FLII: variants seen among roughly 807,000 people sequenced by gnomAD.
FLII encodes protein flightless-1 homolog.
A neutral mutation model predicts 156.2 loss-of-function variants in FLII; 101 were observed. The observed-to-expected ratio is 0.65, with a 90% CI of 0.55 to 0.76. The LOEUF (loss-of-function observed/expected upper bound fraction) is 0.76. FLII is among the 30% of genes least tolerant of loss of function. The pLI, the probability that FLII is intolerant of heterozygous loss-of-function variation, is 0.00. For missense variants in FLII, 1,675 were observed against 1,682.8 expected (o/e 1.00, Z 0.08); for synonymous variants, 767 against 685.8 (o/e 1.12, Z -1.85).
In FLII at chr17:18,248,026, A is replaced by G. The variant is rs755173654; in HGVS notation, c.2198T>C (p.Leu733Pro). 1 of 1,611,650 alleles carries G rather than the reference A, an allele frequency of 6.2e-7. No homozygotes were observed. Among genetic ancestry groups the G allele is most frequent in the East Asian group, 2.2e-5 (1 of 44,862 alleles). The part of the protein sequence containing the change: ...PPQPKLYKVG[L>P]GLGYLELPQI... ...TGGCAGCTCCAGGTAGCCCAAGCCC[A>G]GGCCCACCTGGCAGGAAGGATGAGC... Residue 733 changes from leucine (L) to proline (P), a missense_variant, in exon 19 of 30, where the codon CTG (leucine) becomes CCG (proline). Physicochemically the swap from Leu to Pro is moderately conservative, Grantham distance 98. This residue lies in a region of FLII where 1,332 missense variants were observed against 1,269.3 expected (regional missense o/e 1.05). Transcript: ENST00000327031.
Position 18,245,110 on chromosome 17 carries a change from A to ACCAAG in FLII, c.*23_*27dup, listed in dbSNP as rs767871060. On this transcript the variant is annotated 3_prime_UTR_variant, in exon 30 of 30. Transcript: ENST00000327031. ...TGGATGAGGCCCCTTCCTCTTCCTC[A>ACCAAG]CCAAGCCTGGGGCTGTGCCAGCCTG... 3 of 1,594,352 alleles carry ACCAAG rather than the reference A, an allele frequency of 1.9e-6. No homozygotes were observed. Among genetic ancestry groups the ACCAAG allele is most frequent in the Non-Finnish European group, 2.6e-6 (3 of 1,167,698 alleles).
chr17:18,247,459 G>C (rs1479628475), intron 20 of FLII, 102 bp from the exon 21 acceptor site: 1 of 1,233,918 alleles, frequency 8.1e-7, no homozygotes. Context: ...ATCTAGGGCG[G>C]GGCTTGGGAG....
At chr17:18,247,140 C>CT (rs759673141) in intron 21 of FLII, 29 bp downstream of exon 21, 5 of 1,339,048 alleles carry the variant, frequency 3.7e-6, no homozygotes, top group Middle Eastern at 5.3e-4. Context: ...ACCCCCCCCC[C>CT]CGCGCCCCGG....
intron 2 of FLII, 130 bp from the exon 3 acceptor site, chr17:18,256,727 T>C (rs2142875130): frequency 1.2e-6 from 1 of 862,252 alleles, no homozygotes; most frequent in Non-Finnish European, 1.9e-6. Flanking sequence ...GCAGCTTCCC[T>C]CCCTCACTCA....
At chr17:18,257,170 T>G (rs968974333) in intron 1 of FLII, 151 bp from the exon 2 acceptor site, 4 of 568,418 alleles carry the variant, frequency 7.0e-6, no homozygotes, top group Non-Finnish European at 1.3e-5. Flanking sequence ...TGCCTCAATT[T>G]CTTCACCCAT....
In FLII at chr17:18,248,850, G is replaced by A; in HGVS notation, c.1968C>T (p.Ile656=). 6.2e-7 allele frequency: 1 copy of A among 1,614,018 alleles called. No homozygotes were observed. The highest frequency in any genetic ancestry group is 1.6e-4 in the Middle Eastern group (1 of 6,062). The change falls in exon 17 of 30, where the codon ATC becomes ATT. Residue 656 remains isoleucine (I), a synonymous_variant. Transcript: ENST00000327031. ...FVFLLDRGLD[I]YVWRGAQATL... ...TGGCCTGGGCCCCCCGCCATACGTAGATGTCTAGCCCTCGGTCCAGCAGGA... is the reference window on the plus strand; with the variant it reads ...TGGCCTGGGCCCCCCGCCATACGTAAATGTCTAGCCCTCGGTCCAGCAGGA...
chr17:18,254,788 G>A lies in FLII; in HGVS notation c.394C>T (p.Leu132=), dbSNP rs1324492688. 1 of 1,614,138 alleles carries A rather than the reference G, an allele frequency of 6.2e-7. No homozygotes were observed. The change falls in exon 5 of 30, where the codon CTG becomes TTG. Residue 132 remains leucine, a synonymous_variant. Coordinates refer to ENST00000327031, the MANE Select transcript of FLII (RefSeq NM_002018.4). ...ELENAKNMLV[L]NLSHNSIDTI... ...TGGCACCTGTTGTGGCTGAGGTTCA[G>A]CACCAGCATGTTCTTGGCGTTCTCC...
intron 3 of FLII, 50 bp downstream of exon 3, chr17:18,256,476 C>A: frequency 6.9e-7 from 1 of 1,457,104 alleles, no homozygotes; most frequent in Non-Finnish European, 9.4e-7. Context: ...CGTCCCTGAC[C>A]GGACCTTGGC....
chr17:18,248,381 A>G (rs114793164), intron 18 of FLII, among the ~76,000 whole-genome samples, 169 bp downstream of exon 18: 151 of 152,184 alleles, frequency 9.9e-4, no homozygotes, highest in African/African-American at 3.5e-3. Context: ...CTACTTCTCA[A>G]AAGCAGCCTC....
At position 18,253,712 on chromosome 17, in the gene FLII, A is replaced by C; in HGVS notation, c.687T>G (p.Asp229Glu). 6.2e-7 allele frequency: 1 copy of C among 1,608,218 alleles called. No individual in the cohort carries two copies. Among genetic ancestry groups the C allele is most frequent in the Non-Finnish European group, 8.5e-7 (1 of 1,176,964 alleles). The change falls in exon 8 of 30, where the codon GAT becomes GAG. Residue 229 changes from aspartate to glutamate, a missense_variant. Physicochemically the swap from Asp to Glu is conservative, Grantham distance 45 (BLOSUM62 2). This residue lies in a region of FLII where 343 missense variants were observed against 413.5 expected (regional missense o/e 0.83). Coordinates refer to ENST00000327031, the MANE Select transcript of FLII (RefSeq NM_002018.4). ...LEGLSNLADV[D>E]LSCNDLTRVP... ...CCCGTGTCAGGTCATTGCAGGACAGATCCACGTCTGGGGTGCAGGGTGGGG... is the reference window on the plus strand; with the variant it reads ...CCCGTGTCAGGTCATTGCAGGACAGCTCCACGTCTGGGGTGCAGGGTGGGG...
At position 18,247,702 on chromosome 17, in the gene FLII, T is replaced by A; in HGVS notation, c.2442A>T (p.Pro814=). ...GQELCGMLHR[P]RHATVSRSLE... ...GGCTGCGGCTGACCGTGGCATGGCG[T>A]GGCCGGTGCAGCATCCCGCACAGCT... The change falls in exon 20 of 30, where the codon CCA becomes CCT. Residue 814 remains proline, a synonymous_variant. Coordinates refer to ENST00000327031, the MANE Select transcript of FLII (RefSeq NM_002018.4). The A allele has an allele frequency of 6.2e-7, 1 of 1,600,754 alleles. No homozygotes were observed.
chr17:18,249,532 G>A (rs1196472073), intron 14 of FLII, 124 bp from the exon 15 acceptor site: 4 of 724,356 alleles, frequency 5.5e-6, no homozygotes, highest in South Asian at 3.3e-5. Context: ...TATGATGCCT[G>A]TAATCCCAGC....
intron 21 of FLII, 28 bp downstream of exon 21, chr17:18,247,141 C>A: frequency 2.2e-6 from 3 of 1,364,734 alleles, no homozygotes; most frequent in South Asian, 1.4e-5. Context: ...CCCCCCCCCC[C>A]GCGCCCCGGT....
Position 18,245,148 on chromosome 17 carries a change from G to T in FLII, c.3800C>A (p.Ala1267Asp), listed in dbSNP as rs1284863903. The part of the protein sequence containing the change: ...CFHAWSAFCK[A>D]LA ...CTGTGCCAGCCTGTCTTAGGCCAGG[G>T]CCTTGCAGAAGGCGCTCCAGGCGTG... Residue 1267 changes from alanine (A) to aspartate (D), a missense_variant, in exon 30 of 30, where the codon GCC becomes GAC. Physicochemically the swap from Ala to Asp is moderately radical, Grantham distance 126. Transcript: ENST00000327031. 1 of 1,612,920 alleles carries T rather than the reference G, an allele frequency of 6.2e-7. No individual in the cohort carries two copies. The highest frequency in any genetic ancestry group is 2.2e-5 in the East Asian group (1 of 44,844).
intron 21 of FLII, 36 bp from the exon 22 acceptor site, chr17:18,247,088 G>T: frequency 6.2e-7 from 1 of 1,601,138 alleles, no homozygotes. Flanking sequence ...CGGCAGGTCT[G>T]AGCGCGCTCT....
rs1342245135 is a variant in FLII at position 18,253,987 on chromosome 17, G to C, written c.679+92C>G. The C allele has an allele frequency of 5.2e-6, 5 of 967,104 alleles. No homozygotes were observed. In the East Asian group the frequency reaches 1.3e-4, roughly 25 times the overall value. The allele number at this position is 967,104 out of a possible 1,614,324, so 59.9% of individuals were successfully genotyped here. ...TCCAGCCTTTTCCCTCTGGGTATTG[G>C]TCCGAAGAGCAGGGTTCAACCCCTT... On this transcript the variant is annotated intron_variant, in intron 7 of 29. Coordinates refer to ENST00000327031, the MANE Select transcript of FLII (RefSeq NM_002018.4).
chr17:18,246,511 C>T (rs1338898747), intron 23 of FLII, 49 bp from the exon 24 acceptor site: 1 of 1,612,392 alleles, frequency 6.2e-7, no homozygotes, highest in Non-Finnish European at 8.5e-7. Flanking sequence ...CCCACCTGCC[C>T]CTCGGGAGCC....
chr17:18,247,515 G>T, intron 20 of FLII, 142 bp downstream of exon 20: 1 of 1,044,170 alleles, frequency 9.6e-7, no homozygotes, highest in Middle Eastern at 2.8e-4. Context: ...GCAGCTTGCA[G>T]AGGGGGCGGG....
intron 12 of FLII, 43 bp downstream of exon 12, chr17:18,251,637 A>C (rs770953196): frequency 2.5e-6 from 4 of 1,612,304 alleles, no homozygotes; most frequent in Non-Finnish European, 2.5e-6. Flanking sequence ...CCTTCAGCAG[A>C]AGCTAAGGCT....
Sources: allele counts gnomAD v4.1 joint callset (sites outside exome capture counted in the v4.1 genomes callset), GRCh38; gene constraint gnomAD v4.1.1; regional missense constraint gnomAD v4.1.1; transcripts MANE v1.5; gene names NCBI Gene and HGNC (gene_info 2026-07-23, HGNC 2026-07-21).